DDX10: variants seen among roughly 807,000 people sequenced by gnomAD.
DDX10 encodes the protein DEAD-box helicase 10, also known as probable ATP-dependent RNA helicase DDX10.
In DDX10, 74 loss-of-function variants were observed where a neutral mutation model predicts 104.3. The observed-to-expected ratio is 0.71, with a 90% CI of 0.59 to 0.86. DDX10 has a LOEUF of 0.86. Among genes scored for constraint, DDX10 ranks in the 40% least tolerant of loss-of-function variants. The pLI, the probability that DDX10 is intolerant of heterozygous loss-of-function variation, is 0.00. For missense variants in DDX10, 952 were observed against 1,040.0 expected, an observed-to-expected ratio of 0.92 and a Z score of 1.16; for synonymous variants, 351 against 353.4, an observed-to-expected ratio of 0.99 and a Z score of 0.08.
At position 108,665,090 on chromosome 11, in the gene DDX10, C is replaced by T. The variant is rs1437076440; in HGVS notation, c.-64C>T. ...CTGTGCGTTTGTCCCATGCTGGTTC[C>T]GTGAGTCTGGCCTTAGGTGTCTCGT... is the stretch of plus-strand genomic sequence containing the variant. On this transcript the variant is annotated 5_prime_UTR_variant, in exon 1 of 18. Transcript: ENST00000322536. 21 of 1,487,438 alleles carry T rather than the reference C, an allele frequency of 1.4e-5. No homozygotes were observed. In the East Asian group the frequency reaches 2.0e-4, roughly 14 times the overall value. The allele number at this position is 1,487,438 out of a possible 1,614,324, so 92.1% of individuals were successfully genotyped here.
intron 1 of DDX10, among the ~76,000 whole-genome samples, chr11:108,672,783 TGAAATTCA>T (rs1176114923): frequency 6.6e-6 from 1 of 152,252 alleles, no homozygotes; most frequent in Non-Finnish European, 1.5e-5. Flanking sequence ...GCAGCTGAAA[TGAAATTCA>T]GAAAATTGGG....
At chr11:108,700,687 T>G (rs1259152326) in intron 9 of DDX10, among the ~76,000 whole-genome samples, 2 of 152,226 alleles carry the variant, frequency 1.3e-5, no homozygotes, top group Non-Finnish European at 2.9e-5. Context: ...TGAATTGGAC[T>G]TTGTCACTAA....
rs986108970 is a variant in DDX10 at position 108,675,792 on chromosome 11, C to T, written c.378+66C>T. The T allele has an allele frequency of 1.5e-5, 23 of 1,560,732 alleles. No homozygotes were observed. The Middle Eastern group carries it at 7.1e-4, about 48-fold the overall frequency. On this transcript the variant is annotated intron_variant, in intron 3 of 17. Coordinates refer to ENST00000322536, the MANE Select transcript of DDX10 (RefSeq NM_004398.4). ...TTTTATAACATTCTGTGCCCAGATG[C>T]AGATTATATAAAGAGATGTTTTCAT...
intron 17 of DDX10, among the ~76,000 whole-genome samples, chr11:108,931,582 C>T (rs530741172): frequency 1.3e-5 from 2 of 152,220 alleles, no homozygotes; most frequent in South Asian, 4.1e-4. Context: ...TACATTATGC[C>T]ATGTGTACAT....
chr11:108,713,888 A>G (rs950934685), intron 10 of DDX10, among the ~76,000 whole-genome samples: 4 of 152,122 alleles, frequency 2.6e-5, no homozygotes, highest in African/African-American at 4.8e-5. Context: ...CGGACTGTGA[A>G]CTTTACAAAT....
intron 13 of DDX10, among the ~76,000 whole-genome samples, chr11:108,836,690 T>G (rs1225833601): frequency 6.6e-6 from 1 of 152,156 alleles, no homozygotes; most frequent in Non-Finnish European, 1.5e-5. Context: ...GGTTTTGCTG[T>G]GTTGGCTGGG....
intron 13 of DDX10, 71 bp downstream of exon 13, chr11:108,723,533 A>G: frequency 6.9e-7 from 1 of 1,450,554 alleles, no homozygotes; most frequent in Non-Finnish European, 9.2e-7. Context: ...CCTTTTGGGG[A>G]CTGAGAGAAA....
intron 16 of DDX10, among the ~76,000 whole-genome samples, chr11:108,873,157 TG>T (rs1863105116): frequency 6.6e-6 from 1 of 152,188 alleles, no homozygotes; most frequent in South Asian, 2.1e-4. Flanking sequence ...TAGGGTAATA[TG>T]GTATTTAAAT....
chr11:108,686,340 G>A (rs1591791509), intron 6 of DDX10, among the ~76,000 whole-genome samples: 1 of 152,122 alleles, frequency 6.6e-6, no homozygotes, highest in African/African-American at 2.4e-5. Flanking sequence ...TATGTCTACT[G>A]TTATAGTATT....
chr11:108,804,886 A>G lies in DDX10; in HGVS notation c.1966-33560A>G, dbSNP rs371105671. On this transcript the variant is annotated intron_variant, in intron 13 of 17. Transcript: ENST00000322536. ...GGAATGTGGAAGAGGGGCCTTTAGG[A>G]GGTATTATATATTAATCAGCTTTCC... 2.0e-5 allele frequency among the ~76,000 whole-genome samples: 3 copies of G among 152,310 alleles called. No homozygotes were observed. The South Asian group carries it at 6.2e-4, about 32-fold the overall frequency.
intron 16 of DDX10, among the ~76,000 whole-genome samples, chr11:108,889,698 T>C (rs1324222605): frequency 1.3e-5 from 2 of 152,204 alleles, no homozygotes; most frequent in African/African-American, 2.4e-5. Flanking sequence ...CATTTACCTG[T>C]GTGCTTTTAT....
chr11:108,752,369 T>G (rs561841453), intron 13 of DDX10, among the ~76,000 whole-genome samples: 1 of 152,242 alleles, frequency 6.6e-6, no homozygotes, highest in South Asian at 2.1e-4. Context: ...CTACTTTCAT[T>G]TTTTGGTGTT....
intron 16 of DDX10, among the ~76,000 whole-genome samples, chr11:108,911,833 C>T (rs1344424008): frequency 6.6e-6 from 1 of 152,042 alleles, no homozygotes; most frequent in Admixed American, 6.6e-5. Context: ...AAAAGCTTTG[C>T]CTCTTAATAC....
intron 12 of DDX10, 90 bp downstream of exon 12, chr11:108,719,975 C>T (rs2094296279): frequency 3.6e-6 from 3 of 837,424 alleles, no homozygotes; most frequent in Admixed American, 4.1e-5. Context: ...TGCTATGTTG[C>T]CCAGGCTGTC....
At chr11:108,816,167 T>C (rs1591825778) in intron 13 of DDX10, among the ~76,000 whole-genome samples, 4 of 152,314 alleles carry the variant, frequency 2.6e-5, no homozygotes, top group South Asian at 2.1e-4. Context: ...TCCTCCTCCT[T>C]TTCCCATCTT....
chr11:108,771,223 C>T (rs1292438453), intron 13 of DDX10, among the ~76,000 whole-genome samples: 3 of 152,072 alleles, frequency 2.0e-5, no homozygotes, highest in Non-Finnish European at 2.9e-5. Flanking sequence ...CTATAGAGTT[C>T]TTTCAGCTCC....
At chr11:108,733,694 C>T (rs2094315052) in intron 13 of DDX10, among the ~76,000 whole-genome samples, 1 of 152,112 alleles carries the variant, frequency 6.6e-6, no homozygotes, top group African/African-American at 2.4e-5. Context: ...TTTAGTGTTC[C>T]ATTTTCACTT....
intron 16 of DDX10, among the ~76,000 whole-genome samples, chr11:108,854,020 C>G (rs1244987834): frequency 6.6e-6 from 1 of 152,102 alleles, no homozygotes; most frequent in Non-Finnish European, 1.5e-5. Flanking sequence ...GATGGTAGCC[C>G]TTTTGTAAGA....
intron 8 of DDX10, 30 bp downstream of exon 8, chr11:108,692,068 G>A: frequency 6.4e-7 from 1 of 1,561,342 alleles, no homozygotes. Context: ...TGAAATTTCT[G>A]TGATTGTGTG....
Sources: gnomAD v4.1 joint callset for allele counts (sites outside exome capture counted in the v4.1 genomes callset) on GRCh38, gnomAD v4.1.1 for gene constraint, MANE v1.5 for transcripts, NCBI Gene and HGNC (gene_info 2026-07-23, HGNC 2026-07-21) for gene names.